Variants in RABGAP1L observed in about 807,000 individuals in gnomAD.
RABGAP1L encodes RAB GTPase activating protein 1 like, also known as rab GTPase-activating protein 1-like.
A neutral mutation model predicts 137.7 loss-of-function variants in RABGAP1L; 63 were observed. The observed-to-expected ratio is 0.46, with a 90% CI of 0.37 to 0.56. The LOEUF (loss-of-function observed/expected upper bound fraction) is 0.56, where lower values mean the gene tolerates loss of function less well. RABGAP1L is among the 20% of genes least tolerant of loss of function. The pLI is 0.00. For missense variants in RABGAP1L, 1,095 were observed against 1,244.0 expected, an observed-to-expected ratio of 0.88 and a Z score of 1.80; for synonymous variants, 431 against 433.7, an observed-to-expected ratio of 0.99 and a Z score of 0.08.
intron 13 of RABGAP1L, among the ~76,000 whole-genome samples, chr1:174,624,470 A>G (rs1453681727): frequency 6.6e-6 from 1 of 152,170 alleles, no homozygotes; most frequent in Non-Finnish European, 1.5e-5. Context: ...CCCAGATCCT[A>G]TTACAATGTC....
intron 13 of RABGAP1L, among the ~76,000 whole-genome samples, chr1:174,543,756 T>C (rs943538348): frequency 6.6e-6 from 1 of 152,210 alleles, no homozygotes; most frequent in African/African-American, 2.4e-5. Context: ...CCATGTTTAG[T>C]GCTTCCTTCA....
At chr1:174,183,534 G>T (rs575432430) in intron 1 of RABGAP1L, among the ~76,000 whole-genome samples, 1 of 152,306 alleles carries the variant, frequency 6.6e-6, no homozygotes, top group Middle Eastern at 3.4e-3. Flanking sequence ...CTTACACAAC[G>T]TGCACAGCCT....
At chr1:174,834,603 G>GCC (rs966673573) in intron 19 of RABGAP1L, among the ~76,000 whole-genome samples, 2 of 113,088 alleles carry the variant, frequency 1.8e-5, no homozygotes, top group African/African-American at 6.6e-5. Flanking sequence ...GCCCATCCCC[G>GCC]CCCCCCCCGC....
chr1:174,587,962 C>T (rs1375018817), intron 13 of RABGAP1L, among the ~76,000 whole-genome samples: 1 of 152,160 alleles, frequency 6.6e-6, no homozygotes, highest in African/African-American at 2.4e-5. Flanking sequence ...CTCCTGTGTT[C>T]AAGTGATTCT....
At chr1:174,650,300 T>G (rs962953246) in intron 14 of RABGAP1L, among the ~76,000 whole-genome samples, 1 of 152,120 alleles carries the variant, frequency 6.6e-6, no homozygotes, top group South Asian at 2.1e-4. Context: ...ATTCTCTTTT[T>G]TGGTTGTGTC....
intron 13 of RABGAP1L, among the ~76,000 whole-genome samples, chr1:174,623,389 CA>C (rs752950424): frequency 5.3e-5 from 8 of 152,086 alleles, no homozygotes; most frequent in Non-Finnish European, 1.2e-4. Flanking sequence ...AGGGAGTTAC[CA>C]AAACCACCCT....
At chr1:174,280,850 TGAG>T (rs1357792936) in intron 10 of RABGAP1L, among the ~76,000 whole-genome samples, 4 of 152,168 alleles carry the variant, frequency 2.6e-5, no homozygotes, top group African/African-American at 9.7e-5. Flanking sequence ...ACCCTTGCGG[TGAG>T]TGTTACAGTT....
intron 14 of RABGAP1L, among the ~76,000 whole-genome samples, chr1:174,674,061 G>GT (rs202020221): frequency 2.1e-3 from 298 of 140,582 alleles, no homozygotes; most frequent in East Asian, 0.01. Context: ...AGTGTTCAGA[G>GT]TTTTTTTTTT....
intron 19 of RABGAP1L, among the ~76,000 whole-genome samples, chr1:174,955,746 T>G (rs904133187): frequency 6.6e-6 from 1 of 152,158 alleles, no homozygotes; most frequent in Non-Finnish European, 1.5e-5. Flanking sequence ...ACGTTTGTAA[T>G]CTTAAACCAA....
intron 13 of RABGAP1L, among the ~76,000 whole-genome samples, chr1:174,546,356 C>T (rs1666009586): frequency 6.6e-6 from 1 of 151,944 alleles, no homozygotes; most frequent in African/African-American, 2.4e-5. Flanking sequence ...TGTAGGTAGC[C>T]TATTAGGTAT....
In RABGAP1L at chr1:174,250,590, T is replaced by C. The variant is rs766477467; in HGVS notation, c.833T>C (p.Val278Ala). 1 of 1,613,830 alleles carries C rather than the reference T, an allele frequency of 6.2e-7. No homozygotes were observed. Among genetic ancestry groups the C allele is most frequent in the South Asian group, 1.1e-5 (1 of 91,030 alleles). ...TPDSDVFTFS[V>A]SLEVKEDDGK... is the part of the protein sequence containing the mutation. ...GACAGTGATGTGTTTACCTTCAGTG[T>C]CTCCTTGGAGGTAAAAGAAGACGAT... is the stretch of plus-strand genomic sequence containing the variant. The change falls in exon 6 of 26, where the codon GTC becomes GCC. Residue 278 changes from valine to alanine, a missense_variant. By Grantham distance (64) the Val-to-Ala change is moderately conservative. Coordinates refer to ENST00000681986, the MANE Select transcript of RABGAP1L (RefSeq NM_001366446.1).
chr1:174,512,457 C>A (rs193150815), intron 13 of RABGAP1L, among the ~76,000 whole-genome samples: 2 of 152,054 alleles, frequency 1.3e-5, no homozygotes, highest in African/African-American at 2.4e-5. Flanking sequence ...AAAATAGGAA[C>A]GTAAGGAAGA....
chr1:174,878,925 GTT>G (rs869251284), intron 19 of RABGAP1L, among the ~76,000 whole-genome samples: 12 of 85,146 alleles, frequency 1.4e-4, no homozygotes, highest in African/African-American at 2.7e-4. Flanking sequence ...TTTGTGCATT[GTT>G]TTTTTTTTTT....
intron 19 of RABGAP1L, among the ~76,000 whole-genome samples, chr1:174,942,949 T>C (rs1280668980): frequency 6.6e-6 from 1 of 152,216 alleles, no homozygotes; most frequent in Non-Finnish European, 1.5e-5. Flanking sequence ...ATCTTCTTTG[T>C]CTTCCTCTCA....
chr1:174,307,197 GGCT>G (rs1260494717), intron 11 of RABGAP1L, among the ~76,000 whole-genome samples: 6 of 152,110 alleles, frequency 3.9e-5, no homozygotes, highest in Non-Finnish European at 7.4e-5. Flanking sequence ...TCTGAGTCCA[GGCT>G]ATCTGACTTT....
chr1:174,174,679 C>T (rs928364448), intron 1 of RABGAP1L, among the ~76,000 whole-genome samples: 2 of 152,150 alleles, frequency 1.3e-5, no homozygotes, highest in Non-Finnish European at 2.9e-5. Context: ...GATGCAAGTC[C>T]TGGAGTCCAA....
chr1:174,629,056 T>A (rs918932251), intron 13 of RABGAP1L, among the ~76,000 whole-genome samples: 1 of 152,178 alleles, frequency 6.6e-6, no homozygotes, highest in Non-Finnish European at 1.5e-5. Flanking sequence ...AGAATAAGTC[T>A]AAAAAGAAAG....
intron 12 of RABGAP1L, among the ~76,000 whole-genome samples, chr1:174,391,546 G>A (rs1033989546): frequency 6.6e-6 from 1 of 152,056 alleles, no homozygotes; most frequent in Non-Finnish European, 1.5e-5. Context: ...GTCTGGAACT[G>A]GTCTGGAACT....
At chr1:174,662,326 A>G (rs2148422943) in intron 14 of RABGAP1L, among the ~76,000 whole-genome samples, 1 of 151,398 alleles carries the variant, frequency 6.6e-6, no homozygotes, top group Non-Finnish European at 1.5e-5. Flanking sequence ...CTGATCTTGA[A>G]CTCCTGACCT....
Sources: allele counts gnomAD v4.1 joint callset (sites outside exome capture counted in the v4.1 genomes callset), GRCh38; gene constraint gnomAD v4.1.1; transcripts MANE v1.5; gene names NCBI Gene and HGNC (gene_info 2026-07-23, HGNC 2026-07-21).